The following KCNT2 variants were observed in gnomAD, a reference collection of about 807,000 sequenced individuals.
KCNT2 encodes the protein potassium sodium-activated channel subfamily T member 2.
Under a neutral mutation model 153.8 loss-of-function variants are expected in KCNT2, and 67 were observed. That is an observed-to-expected ratio of 0.44 (90% CI 0.36 to 0.53). The LOEUF (loss-of-function observed/expected upper bound fraction) is 0.53. KCNT2 is among the 20% of genes least tolerant of loss of function. The probability of loss-of-function intolerance (pLI) is 0.00; values close to 1 mark genes in which losing one functional copy is unlikely to be tolerated. For synonymous variants in KCNT2, 500 were observed against 458.8 expected (o/e 1.09, Z -1.15); for missense variants, 975 against 1,354.8 (o/e 0.72, Z 4.40).
chr1:196,554,294 T>A (rs1658346515), intron 1 of KCNT2, among the ~76,000 whole-genome samples: 1 of 150,898 alleles, frequency 6.6e-6, no homozygotes, highest in Admixed American at 6.6e-5. Context: ...AAAAACTAAA[T>A]AAATCAAATC....
At chr1:196,480,980 AATTT>A (rs1206373568) in intron 4 of KCNT2, among the ~76,000 whole-genome samples, 1 of 152,032 alleles carries the variant, frequency 6.6e-6, no homozygotes, top group Non-Finnish European at 1.5e-5. Flanking sequence ...TTCATAAAAC[AATTT>A]ATTTTAAATG....
intron 6 of KCNT2, among the ~76,000 whole-genome samples, chr1:196,468,261 C>G (rs1195707189): frequency 6.6e-6 from 1 of 151,994 alleles, no homozygotes; most frequent in East Asian, 1.9e-4. Context: ...TAATCTAGTT[C>G]CAGTTGCTTC....
intron 8 of KCNT2, among the ~76,000 whole-genome samples, chr1:196,459,318 C>CT (rs1557962776): frequency 6.6e-6 from 1 of 151,134 alleles, no homozygotes; most frequent in Non-Finnish European, 1.5e-5. Context: ...CATGGATTTT[C>CT]TTTATTTCAA....
At chr1:196,452,578 C>T (rs369183221) in intron 8 of KCNT2, among the ~76,000 whole-genome samples, 1 of 151,920 alleles carries the variant, frequency 6.6e-6, no homozygotes, top group East Asian at 1.9e-4. Context: ...ACTATGTCTG[C>T]AAACTGAAAT....
At chr1:196,425,213 T>C (rs551442870) in intron 11 of KCNT2, among the ~76,000 whole-genome samples, 2 of 152,140 alleles carry the variant, frequency 1.3e-5, no homozygotes, top group Admixed American at 1.3e-4. Flanking sequence ...ACTCTACTCA[T>C]ATGATACAAC....
chr1:196,327,313 G>GA (rs954149841), intron 18 of KCNT2, among the ~76,000 whole-genome samples: 41 of 143,498 alleles, frequency 2.9e-4, no homozygotes, highest in South Asian at 4.4e-4. Flanking sequence ...ATAAAACAGT[G>GA]AAAAAAAAAA....
rs1206611376 is a variant in KCNT2 at position 196,235,932 on chromosome 1, A to G, written c.3296+54T>C. ...ATGGCCTAAATATAAGTACAAAAAT[A>G]AATAGTAGTTTTCTAAAAATATCTG... On this transcript the variant is annotated intron_variant, in intron 27 of 27. Transcript: ENST00000294725. 2.7e-6 allele frequency: 3 copies of G among 1,095,802 alleles called. No homozygotes were observed. In the African/African-American group the frequency reaches 4.7e-5, roughly 17 times the overall value. The allele number at this position is 1,095,802 out of a possible 1,614,324, so 67.9% of individuals were successfully genotyped here. A position where few individuals can be genotyped will look rare whatever the true frequency, so the allele number is the denominator to read the frequency against.
intron 14 of KCNT2, among the ~76,000 whole-genome samples, chr1:196,344,017 C>A (rs1268950276): frequency 6.6e-6 from 1 of 152,062 alleles, no homozygotes; most frequent in Non-Finnish European, 1.5e-5. Flanking sequence ...CAACCTCAGG[C>A]GATCCGCCCG....
At chr1:196,389,105 A>C (rs1430048044) in intron 13 of KCNT2, among the ~76,000 whole-genome samples, 1 of 151,650 alleles carries the variant, frequency 6.6e-6, no homozygotes, top group African/African-American at 2.4e-5. Context: ...TCATATACTT[A>C]TTTTCCCCTT....
intron 1 of KCNT2, among the ~76,000 whole-genome samples, chr1:196,599,393 T>C (rs1026565027): frequency 1.3e-5 from 2 of 152,214 alleles, no homozygotes; most frequent in African/African-American, 4.8e-5. Context: ...GTAAGTCCAG[T>C]GCAAGAAAGC....
chr1:196,310,027 AACCAATAT>A (rs1662012580), intron 21 of KCNT2, among the ~76,000 whole-genome samples: 1 of 151,992 alleles, frequency 6.6e-6, no homozygotes, highest in Admixed American at 6.6e-5. Context: ...TATTTTTACT[AACCAATAT>A]AAAGATGAAA....
intron 25 of KCNT2, among the ~76,000 whole-genome samples, chr1:196,279,381 A>C (rs1658879469): frequency 6.6e-6 from 1 of 151,972 alleles, no homozygotes; most frequent in African/African-American, 2.4e-5. Context: ...AGAAAAACTC[A>C]GACTCAGGAG....
intron 1 of KCNT2, among the ~76,000 whole-genome samples, chr1:196,550,011 A>C (rs768882982): frequency 1.3e-5 from 2 of 151,898 alleles, no homozygotes; most frequent in Non-Finnish European, 2.9e-5. Context: ...CAAACGATTT[A>C]AGATCTATTC....
intron 1 of KCNT2, among the ~76,000 whole-genome samples, chr1:196,557,236 T>A (rs1658797446): frequency 6.6e-6 from 1 of 151,218 alleles, no homozygotes; most frequent in Non-Finnish European, 1.5e-5. Context: ...TGTACGAAAA[T>A]ATCTCATATA....
At chr1:196,447,109 C>G (rs1161025629) in intron 8 of KCNT2, among the ~76,000 whole-genome samples, 1 of 151,438 alleles carries the variant, frequency 6.6e-6, no homozygotes, top group Non-Finnish European at 1.5e-5. Context: ...CTTTCTCTTT[C>G]TTTCCATCTT....
At chr1:196,566,989 T>A (rs1660189137) in intron 1 of KCNT2, among the ~76,000 whole-genome samples, 1 of 152,048 alleles carries the variant, frequency 6.6e-6, no homozygotes, top group Non-Finnish European at 1.5e-5. Context: ...ATCTATAAAC[T>A]CAAATATGTA....
intron 8 of KCNT2, among the ~76,000 whole-genome samples, chr1:196,438,346 T>C (rs1163290618): frequency 2.6e-5 from 4 of 151,884 alleles, no homozygotes; most frequent in Non-Finnish European, 5.9e-5. Flanking sequence ...TTTATCCCTC[T>C]TTCCTAAGGA....
intron 1 of KCNT2, among the ~76,000 whole-genome samples, chr1:196,519,049 A>T (rs1471390759): frequency 6.6e-6 from 1 of 152,170 alleles, no homozygotes; most frequent in Non-Finnish European, 1.5e-5. Flanking sequence ...AACATAAAAA[A>T]ATCCTCAGCA....
rs571197669 is a variant in KCNT2 at position 196,547,366 on chromosome 1, G to C, written c.96-55025C>G. Among the ~76,000 whole-genome samples, 13 of 152,036 alleles carry C rather than the reference G, an allele frequency of 8.6e-5. No homozygotes were observed. The East Asian group carries it at 2.5e-3, about 29-fold the overall frequency. ...CCATTATTTAAAAAAAAATTGGGAG[G>C]TGGAGGTGTGAGGCAGTGTGGACAC... is the stretch of plus-strand genomic sequence containing the variant. On this transcript the variant is annotated intron_variant, in intron 1 of 27. Transcript: ENST00000294725.
Sources: allele counts gnomAD v4.1 joint callset (sites outside exome capture counted in the v4.1 genomes callset), GRCh38; gene constraint gnomAD v4.1.1; transcripts MANE v1.5; gene names NCBI Gene and HGNC (gene_info 2026-07-23, HGNC 2026-07-21).